ROBO2: variants seen among roughly 807,000 people sequenced by gnomAD.
ROBO2 encodes the protein roundabout guidance receptor 2.
ROBO2 carries 53 observed loss-of-function variants against 160.8 expected under a neutral mutation model. The ratio of observed to expected loss-of-function variants is 0.33; its 90% CI spans 0.26 to 0.41. The LOEUF is 0.41. ROBO2 is among the 10% of genes least tolerant of loss of function. ROBO2 has a pLI of 1.00. For missense variants in ROBO2, 1,577 were observed against 1,722.4 expected, an observed-to-expected ratio of 0.92 and a Z score of 1.49; for synonymous variants, 664 against 611.7, an observed-to-expected ratio of 1.09 and a Z score of -1.26.
intron 2 of ROBO2, among the ~76,000 whole-genome samples, chr3:77,113,337 A>C (rs921839981): frequency 6.6e-6 from 1 of 152,254 alleles, no homozygotes; most frequent in African/African-American, 2.4e-5. Flanking sequence ...TATTAAAAGC[A>C]GCTTCTCTCA....
At chr3:76,478,226 T>A (rs1004147062) in intron 2 of ROBO2, among the ~76,000 whole-genome samples, 2 of 133,616 alleles carry the variant, frequency 1.5e-5, no homozygotes, top group Non-Finnish European at 3.1e-5. Flanking sequence ...CCCCTTCCTG[T>A]GTCCATGTGT....
intron 2 of ROBO2, among the ~76,000 whole-genome samples, chr3:76,378,946 G>A (rs115957558): frequency 3.0e-3 from 452 of 152,242 alleles, no homozygotes; most frequent in Middle Eastern, 0.01. Context: ...GCTATGCACA[G>A]CTGAAAGATT....
At chr3:77,417,170 A>G (rs1383418297) in intron 2 of ROBO2, among the ~76,000 whole-genome samples, 2 of 151,938 alleles carry the variant, frequency 1.3e-5, no homozygotes, top group Admixed American at 6.6e-5. Context: ...GGACAAATTC[A>G]TTACATCCCT....
intron 2 of ROBO2, among the ~76,000 whole-genome samples, chr3:76,593,880 TG>T (rs1045261033): frequency 2.6e-4 from 40 of 152,120 alleles, no homozygotes; most frequent in African/African-American, 9.6e-4. Flanking sequence ...ATTTTTTAAA[TG>T]TATAAAATAA....
chr3:76,450,376 A>T (rs2077414703), intron 2 of ROBO2, among the ~76,000 whole-genome samples: 1 of 152,222 alleles, frequency 6.6e-6, no homozygotes, highest in Non-Finnish European at 1.5e-5. Flanking sequence ...CATAAAATTT[A>T]TCTCCTCTTT....
chr3:76,921,670 G>GT (rs1226004159), intron 2 of ROBO2, among the ~76,000 whole-genome samples: 1 of 152,114 alleles, frequency 6.6e-6, no homozygotes, highest in East Asian at 1.9e-4. Flanking sequence ...AGCATTGAGT[G>GT]TTTTTTGTTT....
intron 2 of ROBO2, among the ~76,000 whole-genome samples, chr3:76,146,444 C>T (rs1361666952): frequency 6.6e-6 from 1 of 151,828 alleles, no homozygotes; most frequent in East Asian, 2.0e-4. Flanking sequence ...ATCCTTTTTC[C>T]TCTCTATGTC....
At chr3:76,402,492 G>T (rs1292014873) in intron 2 of ROBO2, among the ~76,000 whole-genome samples, 1 of 151,536 alleles carries the variant, frequency 6.6e-6, no homozygotes, top group Non-Finnish European at 1.5e-5. Context: ...GGGCTTAAAT[G>T]ACACAAATGT....
At chr3:76,522,709 C>T (rs879929415) in intron 2 of ROBO2, among the ~76,000 whole-genome samples, 7 of 152,000 alleles carry the variant, frequency 4.6e-5, no homozygotes, top group Non-Finnish European at 7.4e-5. Flanking sequence ...ATTCATCTGT[C>T]TATCCTACAT....
chr3:77,376,669 A>T (rs1003443499), intron 2 of ROBO2, among the ~76,000 whole-genome samples: 6 of 152,124 alleles, frequency 3.9e-5, no homozygotes, highest in African/African-American at 1.4e-4. Flanking sequence ...AGCATTTAAC[A>T]TGCCTAGATC....
chr3:77,112,786 T>C (rs896142734), intron 2 of ROBO2, among the ~76,000 whole-genome samples: 1 of 152,196 alleles, frequency 6.6e-6, no homozygotes, highest in Non-Finnish European at 1.5e-5. Flanking sequence ...TATGTGTTCT[T>C]TCCTGGGATC....
chr3:76,731,704 C>A (rs2093640219), intron 2 of ROBO2, among the ~76,000 whole-genome samples: 1 of 152,088 alleles, frequency 6.6e-6, no homozygotes, highest in African/African-American at 2.4e-5. Context: ...TCTCTATTAA[C>A]AAATCAAAGA....
At chr3:77,238,027 A>G (rs573322873) in intron 2 of ROBO2, among the ~76,000 whole-genome samples, 11 of 152,326 alleles carry the variant, frequency 7.2e-5, no homozygotes, top group Admixed American at 4.6e-4. Context: ...TTTGCCATGT[A>G]CACATCTTCT....
At chr3:76,434,293 A>T in intron 2 of ROBO2, 1 of 1,041,548 alleles carries the variant, frequency 9.6e-7, no homozygotes, top group Non-Finnish European at 1.5e-6. Context: ...CCAGCAGATA[A>T]TAAGCTTTCC....
intron 2 of ROBO2, among the ~76,000 whole-genome samples, chr3:77,129,806 C>G (rs1321779295): frequency 6.6e-6 from 1 of 152,044 alleles, no homozygotes; most frequent in Non-Finnish European, 1.5e-5. Context: ...TTCAGACTGG[C>G]AGCAGACCAC....
chr3:76,104,885 T>A (rs2069852647), intron 2 of ROBO2, among the ~76,000 whole-genome samples: 1 of 152,192 alleles, frequency 6.6e-6, no homozygotes, highest in Non-Finnish European at 1.5e-5. Flanking sequence ...GCAGTTTGAA[T>A]CTGTACTATG....
chr3:76,382,574 G>A (rs916190102), intron 2 of ROBO2, among the ~76,000 whole-genome samples: 1 of 152,208 alleles, frequency 6.6e-6, no homozygotes, highest in Non-Finnish European at 1.5e-5. Context: ...GCGACAGAGC[G>A]AGACTCCGTC....
intron 2 of ROBO2, among the ~76,000 whole-genome samples, chr3:77,342,843 G>T (rs1581198087): frequency 6.6e-6 from 1 of 152,254 alleles, no homozygotes; most frequent in East Asian, 1.9e-4. Context: ...TCTTATTGTG[G>T]TTTAAAGTGC....
chr3:76,027,410 A>G (rs556193657), intron 2 of ROBO2, among the ~76,000 whole-genome samples: 2 of 151,938 alleles, frequency 1.3e-5, no homozygotes, highest in Admixed American at 1.3e-4. Flanking sequence ...TAGGCATGCA[A>G]TGCTTTTAAT....
Sources: allele counts gnomAD v4.1 joint callset (sites outside exome capture counted in the v4.1 genomes callset), GRCh38; gene constraint gnomAD v4.1.1; transcripts MANE v1.5; gene names NCBI Gene and HGNC (gene_info 2026-07-23, HGNC 2026-07-21).